Variants in ZNF444 observed in about 807,000 individuals in gnomAD.
The protein encoded by ZNF444 is zinc finger protein 444, also known as endothelial zinc finger protein 2.
ZNF444 carries 8 observed loss-of-function variants against 14.4 expected under a neutral mutation model. The observed-to-expected ratio is 0.56, with a 90% CI of 0.33 to 1.00. ZNF444 has a LOEUF of 1.00. ZNF444 is among the 50% of genes least tolerant of loss of function. ZNF444 has a pLI of 0.03. For missense variants in ZNF444, 510 were observed against 504.8 expected, an observed-to-expected ratio of 1.01 and a Z score of -0.10; for synonymous variants, 258 against 235.9, an observed-to-expected ratio of 1.09 and a Z score of -0.86.
At chr19:56,134,942 A>T (rs2123451439) in intron 1 of ZNF444, among the ~76,000 whole-genome samples, 1 of 152,198 alleles carries the variant, frequency 6.6e-6, no homozygotes, top group South Asian at 2.1e-4. Context: ...TAAAAAAAAA[A>T]AATGTCAGGC....
Position 56,145,740 on chromosome 19 carries a change from G to A in ZNF444, c.-196-507G>A, listed in dbSNP as rs10419901. ...GGCACCCAGATCGCAAATTCCCAGC[G>A]GAAGGGACTGGGACAGGCCGTCATA... On this transcript the variant is annotated intron_variant, in intron 1 of 4. Coordinates refer to ENST00000337080, the MANE Select transcript of ZNF444 (RefSeq NM_018337.4). The surrounding 1 kb of genome is among the most constrained non-coding windows in gnomAD (Gnocchi z 4.3). Among the ~76,000 whole-genome samples, 970 of 152,300 alleles carry A rather than the reference G, an allele frequency of 6.4e-3. 7 individuals carry two copies. The highest frequency in any genetic ancestry group is 0.022 in the African/African-American group (905 of 41,578).
At chr19:56,149,042 G>A (rs573216465) in intron 3 of ZNF444, among the ~76,000 whole-genome samples, 1 of 147,506 alleles carries the variant, frequency 6.8e-6, no homozygotes, top group African/African-American at 2.6e-5. Flanking sequence ...TCACTCCTCC[G>A]ACCTTGACCT....
Position 56,159,715 on chromosome 19 carries a change from G to A in ZNF444, c.498G>A (p.Ala166=), listed in dbSNP as rs912095047. 16 of 1,559,706 alleles carry A rather than the reference G, an allele frequency of 1.0e-5. No individual in the cohort carries two copies. The East Asian group carries it at 2.6e-4, about 25-fold the overall frequency. The change falls in exon 5 of 5, where the codon GCG becomes GCA. Residue 166 remains alanine, a synonymous_variant. Transcript: ENST00000337080. ...YKQEPSSPPL[A]PGLPAFLAAP... The stretch of plus-strand genomic sequence containing the variant: ...AGGAGCCCAGCAGCCCCCCGCTGGC[G>A]CCTGGCCTGCCCGCCTTCCTAGCGG...
chr19:56,159,436 C>T (rs1272780230), intron 4 of ZNF444, among the ~76,000 whole-genome samples, 188 bp from the exon 5 acceptor site: 1 of 152,146 alleles, frequency 6.6e-6, no homozygotes, highest in East Asian at 1.9e-4. Context: ...ATGTATTGGG[C>T]ATTGACTGTA....
intron 4 of ZNF444, among the ~76,000 whole-genome samples, chr19:56,159,204 C>T (rs924873688): frequency 1.3e-5 from 2 of 151,948 alleles, no homozygotes; most frequent in African/African-American, 4.8e-5. Flanking sequence ...CATCATCTAC[C>T]CATCCATCAC....
rs192819623 is a variant in ZNF444, at chr19:56,150,124, A to G, written c.297+2916A>G. 5.8e-4 allele frequency: 97 copies of G among 167,560 alleles called. 2 individuals are homozygous for G. Among genetic ancestry groups the G allele is most frequent in the African/African-American group, 2.1e-3 (89 of 41,692 alleles). 10.4% of individuals were successfully genotyped at this position (167,560 alleles called of 1,614,324 possible). A position where few individuals can be genotyped will look rare whatever the true frequency, so the allele number is the denominator to read the frequency against. Reference sequence around the variant, plus strand: ...CGGGGTTTCGCCCTTTCCAGTTTCCATGACTCCTCAGAACAGGACCTGGCA... The same window carrying G: ...CGGGGTTTCGCCCTTTCCAGTTTCCGTGACTCCTCAGAACAGGACCTGGCA... On this transcript the variant is annotated intron_variant, in intron 3 of 4. Transcript: ENST00000337080.
intron 3 of ZNF444, chr19:56,154,168 T>C (rs2031755069): frequency 2.6e-5 from 4 of 152,234 alleles, no homozygotes; most frequent in Admixed American, 2.6e-4. Context: ...GCTCATGATG[T>C]AGTGGCAGAT....
At chr19:56,143,419 C>T (rs1262046598) in intron 1 of ZNF444, 2 of 152,248 alleles carry the variant, frequency 1.3e-5, no homozygotes, top group East Asian at 1.9e-4. Flanking sequence ...GAGCAGGCAT[C>T]TGTGTGGCTT....
chr19:56,150,624 A>G (rs1490545042), intron 3 of ZNF444: 1 of 453,222 alleles, frequency 2.2e-6, no homozygotes, highest in African/African-American at 2.0e-5. Flanking sequence ...CAGCAATGAT[A>G]CAACATGGTC....
At chr19:56,138,455 T>C (rs1016114142), upstream of ZNF444, among the ~76,000 whole-genome samples, 1 of 151,630 alleles carries the variant, frequency 6.6e-6, no homozygotes, top group African/African-American at 2.4e-5. Context: ...GGCAAAACGC[T>C]GTCCCTACAA....
In ZNF444 at chr19:56,159,922, C is replaced by T. The variant is rs1308355878; in HGVS notation, c.705C>T (p.Ser235=). The T allele has an allele frequency of 1.3e-6, 2 of 1,500,430 alleles. No homozygotes were observed. Among genetic ancestry groups the T allele is most frequent in the African/African-American group, 2.9e-5 (2 of 69,030 alleles). The allele number at this position is 1,500,430 out of a possible 1,614,324, so 92.9% of individuals were successfully genotyped here. A position where few individuals can be genotyped will look rare whatever the true frequency, so the allele number is the denominator to read the frequency against. Residue 235 remains serine (S), a synonymous_variant, in exon 5 of 5, where the codon AGC becomes AGT. Transcript: ENST00000337080. ...HRDTHPGSPG[S]PGPALRPLPA... ...ACACGCACCCCGGCAGCCCCGGCAG[C>T]CCCGGGCCCGCGCTGCGCCCTCTGC... is the stretch of plus-strand genomic sequence containing the variant.
At chr19:56,159,587 G>A (rs1568565953) in intron 4 of ZNF444, 37 bp from the exon 5 acceptor site, 1 of 1,414,210 alleles carries the variant, frequency 7.1e-7, no homozygotes, top group South Asian at 1.5e-5. Flanking sequence ...CCCCGCCCTC[G>A]TGCCGACCCA....
chr19:56,146,479 T>G, intron 2 of ZNF444, 59 bp downstream of exon 2: 1 of 156,854 alleles, frequency 6.4e-6, no homozygotes, highest in South Asian at 2.0e-4. Context: ...ATCCTGGGTA[T>G]GTGGGCGGCT....
intron 3 of ZNF444, among the ~76,000 whole-genome samples, chr19:56,153,696 G>A (rs998531775): frequency 1.3e-5 from 2 of 152,170 alleles, no homozygotes; most frequent in Non-Finnish European, 2.9e-5. Flanking sequence ...TCTGCCAATC[G>A]GGGAAGTGCA....
chr19:56,133,706 G>T (rs142690294), intron 1 of ZNF444, among the ~76,000 whole-genome samples: 1 of 151,166 alleles, frequency 6.6e-6, no homozygotes, highest in Non-Finnish European at 1.5e-5. Flanking sequence ...CCAGCTACTC[G>T]GGAGGCTGAG....
At chr19:56,135,621 T>C (rs2030592820) in intron 1 of ZNF444, among the ~76,000 whole-genome samples, 7 of 151,982 alleles carry the variant, frequency 4.6e-5, no homozygotes, top group Admixed American at 4.6e-4. Flanking sequence ...GGGCAACTGT[T>C]TCTTCCTGCT....
rs1490980622 is a variant in ZNF444 at position 56,145,194 on chromosome 19, C to T, written c.-196-1053C>T. On this transcript the variant is annotated intron_variant, in intron 1 of 4. Coordinates refer to ENST00000337080, the MANE Select transcript of ZNF444 (RefSeq NM_018337.4). The surrounding 1 kb of genome is among the most constrained non-coding windows in gnomAD (Gnocchi z 4.3). Reference sequence around the variant, plus strand: ...TTTCTGCCTTCAAAATTACTGAAGACCCTAACATGCTTTTATTGATGGGAG... The same window carrying T: ...TTTCTGCCTTCAAAATTACTGAAGATCCTAACATGCTTTTATTGATGGGAG... Among the ~76,000 whole-genome samples, 1 of 152,254 alleles carries T rather than the reference C, an allele frequency of 6.6e-6. No homozygotes were observed. The highest frequency in any genetic ancestry group is 1.5e-5 in the Non-Finnish European group (1 of 68,048).
At chr19:56,155,751 C>G (rs1015211679) in intron 3 of ZNF444, 2 of 152,254 alleles carry the variant, frequency 1.3e-5, no homozygotes, top group Non-Finnish European at 2.9e-5. Flanking sequence ...GTATCTTTTT[C>G]TATTCTCAGC....
At chr19:56,132,935 C>CTTTTTTT (rs61365745) in intron 1 of ZNF444, among the ~76,000 whole-genome samples, 3,940 of 94,232 alleles carry the variant, frequency 0.042, 587 homozygotes, top group South Asian at 0.066. Flanking sequence ...TTCTTTCTTT[C>CTTTTTTT]TTTTTTTTTT....
Sources: gnomAD v4.1 joint callset for allele counts (sites outside exome capture counted in the v4.1 genomes callset) on GRCh38, gnomAD v4.1.1 for gene constraint, Gnocchi (gnomAD v3.1) non-coding constraint, MANE v1.5 for transcripts, NCBI Gene and HGNC (gene_info 2026-07-23, HGNC 2026-07-21) for gene names.